CACNA1G: variants seen among roughly 807,000 people sequenced by gnomAD.
The protein encoded by CACNA1G is voltage-dependent T-type calcium channel subunit alpha-1G.
Under a neutral mutation model 219.4 loss-of-function variants are expected in CACNA1G, and 67 were observed. The observed-to-expected ratio is 0.31, with a 90% CI of 0.25 to 0.37. CACNA1G has a LOEUF of 0.37. CACNA1G is among the 10% of genes least tolerant of loss of function. The pLI is 1.00. For synonymous variants in CACNA1G, 1,296 were observed against 1,345.3 expected, an observed-to-expected ratio of 0.96 and a Z score of 0.80; for missense variants, 2,380 against 3,231.4, an observed-to-expected ratio of 0.74 and a Z score of 6.39.
Position 50,578,598 on chromosome 17 carries a change from G to C in CACNA1G, c.2301+34G>C, listed in dbSNP as rs1289463932. The stretch of plus-strand genomic sequence containing the variant: ...GTGGGCAGAGGCAGGGCTCCTGCCA[G>C]CTGCTTTTCGCCTGGGGCTGGGGCC... On this transcript the variant is annotated intron_variant, in intron 9 of 37. Transcript: ENST00000359106. The surrounding 1 kb of genome is among the most constrained non-coding windows in gnomAD (Gnocchi z 4.5). The C allele has an allele frequency of 6.6e-7, 1 of 1,516,564 alleles. No individual in the cohort carries two copies. The highest frequency in any genetic ancestry group is 8.8e-7 in the Non-Finnish European group (1 of 1,131,998). 93.9% of individuals were successfully genotyped at this position (1,516,564 alleles called of 1,614,324 possible). A position where few individuals can be genotyped will look rare whatever the true frequency, so the allele number is the denominator to read the frequency against.
chr17:50,564,289 G>T (rs1374295361), intron 1 of CACNA1G, among the ~76,000 whole-genome samples: 1 of 151,898 alleles, frequency 6.6e-6, no homozygotes, highest in East Asian at 1.9e-4. Flanking sequence ...ATGTGTTCCT[G>T]CAAGTGTGAG....
intron 1 of CACNA1G, among the ~76,000 whole-genome samples, chr17:50,567,361 G>C (rs2038185680): frequency 6.6e-6 from 1 of 152,156 alleles, no homozygotes; most frequent in Non-Finnish European, 1.5e-5. Flanking sequence ...AGAAGGGCCT[G>C]GGTGGTGGAG....
chr17:50,622,639 T>C (rs913841976), intron 35 of CACNA1G, among the ~76,000 whole-genome samples: 1 of 152,084 alleles, frequency 6.6e-6, no homozygotes, highest in Non-Finnish European at 1.5e-5. Context: ...ACAGGGCCCC[T>C]ACAGCCTCCC....
At chr17:50,606,073 G>C in intron 23 of CACNA1G, 50 bp downstream of exon 23, 1 of 1,613,010 alleles carries the variant, frequency 6.2e-7, no homozygotes, top group Non-Finnish European at 8.5e-7. Context: ...GCTGGAGGGG[G>C]CACAGGGCCA....
At position 50,600,842 on chromosome 17, in the gene CACNA1G, G is replaced by A. The variant is rs1370464600; in HGVS notation, c.3791+16G>A. 6.2e-7 allele frequency: 1 copy of A among 1,608,608 alleles called. No individual in the cohort carries two copies. The highest frequency in any genetic ancestry group is 1.1e-5 in the South Asian group (1 of 90,940). Reference sequence around the variant, plus strand: ...CTCAGTCCAGGTAAGTGACAGGGCAGGGGTCTGACCTGTGTCCCGACCTCT... The same window carrying A: ...CTCAGTCCAGGTAAGTGACAGGGCAAGGGTCTGACCTGTGTCCCGACCTCT... On this transcript the variant is annotated intron_variant, in intron 18 of 37. Transcript: ENST00000359106. This position sits in a 1 kb window ranked among gnomAD's most constrained non-coding sequence, Gnocchi z 4.1.
chr17:50,593,688 C>T (rs1277740671), intron 13 of CACNA1G, among the ~76,000 whole-genome samples: 2 of 152,238 alleles, frequency 1.3e-5, no homozygotes, highest in African/African-American at 2.4e-5. Context: ...CCCCAACCTT[C>T]GCAGTATCAG....
intron 5 of CACNA1G, 40 bp from the exon 6 acceptor site, chr17:50,572,514 A>C: frequency 6.8e-7 from 1 of 1,469,446 alleles, no homozygotes; most frequent in Middle Eastern, 1.8e-4. Context: ...TGGAGAGCCC[A>C]CTCCCCAGTC....
chr17:50,613,800 A>C (rs1356319535), intron 26 of CACNA1G, among the ~76,000 whole-genome samples: 3 of 152,128 alleles, frequency 2.0e-5, no homozygotes, highest in Admixed American at 2.0e-4. Context: ...TGTGGTACTC[A>C]AGGAAGGAAG....
rs747394020 is a variant in CACNA1G at position 50,561,622 on chromosome 17, G to A, written c.163G>A (p.Ala55Thr). 2 of 1,598,856 alleles carry A rather than the reference G, an allele frequency of 1.3e-6. No homozygotes were observed. Among genetic ancestry groups the A allele is most frequent in the Non-Finnish European group, 1.7e-6 (2 of 1,173,840 alleles). ...CGAGGCGGAGGGGCTGCCGTACCCG[G>A]CGCTGGCCCCGGTGGTTTTCTTCTA... ...DSEAEGLPYP[A>T]LAPVVFFYLS... Residue 55 changes from alanine to threonine, a missense_variant, in exon 1 of 38, where the codon GCG becomes ACG. By Grantham distance (58) the Ala-to-Thr change is moderately conservative (BLOSUM62 0). Around this residue, in one of 17 missense-constraint regions of CACNA1G, gnomAD observed 98 missense variants for 85.5 expected, o/e 1.15. Transcript: ENST00000359106.
At chr17:50,624,967 T>TTG (rs1888656638) in intron 37 of CACNA1G, among the ~76,000 whole-genome samples, 1 of 150,540 alleles carries the variant, frequency 6.6e-6, no homozygotes, top group Non-Finnish European at 1.5e-5. Context: ...TTTTTTTTTT[T>TTG]TTTTTTTTGA....
Position 50,626,885 on chromosome 17 carries a change from T to A in CACNA1G, c.*134T>A. ...AGGCGCTCCTCCCTGCCTCAGTGGC[T>A]CTGGGTACCTGCAAGCAGAACTTCC... On this transcript the variant is annotated 3_prime_UTR_variant, in exon 38 of 38. Transcript: ENST00000359106. This position sits in a 1 kb window ranked among gnomAD's most constrained non-coding sequence, Gnocchi z 4.3. 9.0e-7 allele frequency: 1 copy of A among 1,111,716 alleles called. No homozygotes were observed. Among genetic ancestry groups the A allele is most frequent in the Non-Finnish European group, 1.4e-6 (1 of 730,166 alleles). 68.9% of individuals were successfully genotyped at this position (1,111,716 alleles called of 1,614,324 possible).
At chr17:50,574,626 G>A (rs1466846998) in intron 7 of CACNA1G, among the ~76,000 whole-genome samples, 1 of 152,132 alleles carries the variant, frequency 6.6e-6, no homozygotes, top group Non-Finnish European at 1.5e-5. Context: ...AGCAGACAGG[G>A]AGATAAGGGG....
At chr17:50,619,971 A>G (rs1007780855) in intron 34 of CACNA1G, 145 bp downstream of exon 34, 2 of 805,662 alleles carry the variant, frequency 2.5e-6, no homozygotes, top group Admixed American at 6.0e-5. Flanking sequence ...TGAGTGCAAG[A>G]GGCAGTCAGG....
At chr17:50,570,710 T>C (rs973862391) in intron 4 of CACNA1G, among the ~76,000 whole-genome samples, 12 of 152,040 alleles carry the variant, frequency 7.9e-5, no homozygotes, top group African/African-American at 2.9e-4. Flanking sequence ...CCGCCCCAGG[T>C]GATGGCTGGC....
Position 50,596,991 on chromosome 17 carries a change from G to T in CACNA1G, c.3258+68G>T. The T allele has an allele frequency of 7.2e-7, 1 of 1,387,378 alleles. No individual in the cohort carries two copies. The allele number at this position is 1,387,378 out of a possible 1,614,324, so 85.9% of individuals were successfully genotyped here. A position where few individuals can be genotyped will look rare whatever the true frequency, so the allele number is the denominator to read the frequency against. ...AAGGAGGACAGGAGGAAGAGAGGAT[G>T]GAGGCAGGCGGGTCCAAGGGCACAG... On this transcript the variant is annotated intron_variant, in intron 16 of 37. Transcript: ENST00000359106. The surrounding 1 kb of genome is among the most constrained non-coding windows in gnomAD (Gnocchi z 4.8).
chr17:50,604,834 G>A (rs527775433), intron 22 of CACNA1G, among the ~76,000 whole-genome samples: 6 of 152,338 alleles, frequency 3.9e-5, no homozygotes, highest in African/African-American at 1.4e-4. Flanking sequence ...AGGGGGCCGG[G>A]GAGCCCCTCC....
In CACNA1G at chr17:50,578,561, G is replaced by A; in HGVS notation, c.2298G>A (p.Glu766=). The part of the protein sequence containing the change: ...NTLSMGIEYH[E]QPEELTNALE... ...TCAGCATGGGCATCGAATACCACGA[G>A]CAGGTAGGAGAGTGGGCAGAGGCAG... The change falls in exon 9 of 38, where the codon GAG becomes GAA. Residue 766 remains glutamate, a synonymous_variant. Transcript: ENST00000359106. The surrounding 1 kb of genome is among the most constrained non-coding windows in gnomAD (Gnocchi z 4.5). 6.5e-7 allele frequency: 1 copy of A among 1,549,234 alleles called. No homozygotes were observed. Among genetic ancestry groups the A allele is most frequent in the Non-Finnish European group, 8.7e-7 (1 of 1,147,064 alleles).
intron 7 of CACNA1G, 114 bp downstream of exon 7, chr17:50,573,227 C>T (rs1243111681): frequency 2.7e-6 from 2 of 739,844 alleles, no homozygotes; most frequent in Non-Finnish European, 4.7e-6. Flanking sequence ...CAGGACAAGT[C>T]CTGTAGAGAG....
chr17:50,589,912 C>CTCTCTGTG (rs1326523232), intron 9 of CACNA1G, among the ~76,000 whole-genome samples: 33 of 141,924 alleles, frequency 2.3e-4, no homozygotes, highest in African/African-American at 8.5e-4. Context: ...CTCTCTCTCT[C>CTCTCTGTG]TGTGTGTGTG....
Sources: allele counts gnomAD v4.1 joint callset (sites outside exome capture counted in the v4.1 genomes callset), GRCh38; gene constraint gnomAD v4.1.1; regional missense constraint gnomAD v4.1.1; non-coding constraint Gnocchi (gnomAD v3.1); transcripts MANE v1.5; gene names NCBI Gene and HGNC (gene_info 2026-07-23, HGNC 2026-07-21).